The following NAV2 variants were observed in gnomAD, a reference collection of about 807,000 sequenced individuals.
NAV2 encodes helicase, APC down-regulated 1.
Under a neutral mutation model 223.2 loss-of-function variants are expected in NAV2, and 54 were observed. The observed-to-expected ratio is 0.24, with a 90% confidence interval of 0.19 to 0.30. The LOEUF (loss-of-function observed/expected upper bound fraction) is 0.30, where lower values mean the gene tolerates loss of function less well. Ranked by LOEUF, NAV2 falls within the 10% of genes least tolerant of loss-of-function variation. The probability of loss-of-function intolerance (pLI) is 1.00; values close to 1 mark genes in which losing one functional copy is unlikely to be tolerated. For synonymous variants in NAV2, 1,279 were observed against 1,239.3 expected (o/e 1.03, Z -0.67); for missense variants, 2,806 against 3,147.5 (o/e 0.89, Z 2.60).
At chr11:19,525,039 A>G (rs1175904589) in intron 1 of NAV2, among the ~76,000 whole-genome samples, 1 of 152,228 alleles carries the variant, frequency 6.6e-6, no homozygotes, top group Non-Finnish European at 1.5e-5. Flanking sequence ...AATGTCATTC[A>G]TTTCTCCATA....
chr11:19,462,461 C>T (rs1359072073), intron 1 of NAV2, among the ~76,000 whole-genome samples: 1 of 152,204 alleles, frequency 6.6e-6, no homozygotes, highest in Non-Finnish European at 1.5e-5. Context: ...TCAGACACAA[C>T]GTGCCACCAA....
At chr11:19,897,493 C>T (rs2042086258) in intron 6 of NAV2, among the ~76,000 whole-genome samples, 1 of 152,074 alleles carries the variant, frequency 6.6e-6, no homozygotes, top group Non-Finnish European at 1.5e-5. Context: ...ATGCCCCCTC[C>T]TACCATCATC....
At chr11:19,868,071 C>T (rs952239456) in intron 3 of NAV2, among the ~76,000 whole-genome samples, 11 of 151,766 alleles carry the variant, frequency 7.2e-5, no homozygotes, top group African/African-American at 2.7e-4. Context: ...TTGACGGAAC[C>T]TGGGAAGTAA....
intron 1 of NAV2, among the ~76,000 whole-genome samples, chr11:19,697,691 T>C (rs1417462642): frequency 1.3e-5 from 2 of 152,136 alleles, no homozygotes; most frequent in African/African-American, 4.8e-5. Flanking sequence ...AGTTACCACC[T>C]GTAACAACTA....
At chr11:19,604,969 C>T (rs1050862197) in intron 1 of NAV2, among the ~76,000 whole-genome samples, 1 of 152,170 alleles carries the variant, frequency 6.6e-6, no homozygotes, top group Admixed American at 6.5e-5. Context: ...TAAGGCCTCC[C>T]CAGCCATGTG....
At chr11:20,016,220 A>G (rs2584852) in intron 11 of NAV2, among the ~76,000 whole-genome samples, 151,973 of 152,310 alleles carry the variant, frequency 1, 75,822 homozygotes, top group Middle Eastern at 1. Flanking sequence ...ACCCTTCCAG[A>G]AAAGACATCC....
chr11:19,437,392 A>T (rs183720692), intron 1 of NAV2, among the ~76,000 whole-genome samples: 2 of 152,206 alleles, frequency 1.3e-5, no homozygotes, highest in Admixed American at 1.3e-4. Flanking sequence ...TATCAATCAG[A>T]TTAAACCTGT....
chr11:19,558,743 T>C (rs1160907554), intron 1 of NAV2, among the ~76,000 whole-genome samples: 2 of 152,206 alleles, frequency 1.3e-5, no homozygotes, highest in Non-Finnish European at 2.9e-5. Flanking sequence ...GTACAGCCTG[T>C]GTTCCATGGG....
At chr11:19,955,993 C>T (rs894552) in intron 10 of NAV2, among the ~76,000 whole-genome samples, 138,256 of 152,206 alleles carry the variant, frequency 0.91, 62,893 homozygotes, top group East Asian at 0.98. Context: ...GATAGATTCT[C>T]GTTTCTCTAG....
At position 19,822,432 on chromosome 11, in the gene NAV2, C is replaced by T. The variant is rs570860699; in HGVS notation, c.268-10052C>T. Among the ~76,000 whole-genome samples, 3 of 152,332 alleles carry T rather than the reference C, an allele frequency of 2.0e-5. No individual in the cohort carries two copies. The South Asian group carries it at 6.2e-4, about 32-fold the overall frequency. On this transcript the variant is annotated intron_variant, in intron 1 of 37. Coordinates refer to ENST00000349880, the MANE Select transcript of NAV2 (RefSeq NM_145117.5). ...GTAGATGCTCAGGCAGTGTTTTCTT[C>T]ATGCACCAAGGCACGCATGCAGCTC...
intron 1 of NAV2, among the ~76,000 whole-genome samples, chr11:19,477,946 C>T (rs550221434): frequency 1.3e-5 from 2 of 152,158 alleles, no homozygotes; most frequent in Non-Finnish European, 2.9e-5. Context: ...CAATGCTTTG[C>T]CAAATGCAAT....
chr11:19,890,033 T>C (rs559155177), intron 5 of NAV2, among the ~76,000 whole-genome samples: 2 of 152,370 alleles, frequency 1.3e-5, no homozygotes, highest in South Asian at 2.1e-4. Flanking sequence ...AATCCCTTCA[T>C]GAACCCGTGT....
chr11:19,394,888 C>T (rs1346132534), intron 1 of NAV2, among the ~76,000 whole-genome samples: 2 of 152,172 alleles, frequency 1.3e-5, no homozygotes, highest in Non-Finnish European at 2.9e-5. Flanking sequence ...TGAAAACCAA[C>T]CAAGGAATGG....
intron 1 of NAV2, among the ~76,000 whole-genome samples, chr11:19,576,292 T>G (rs1358018819): frequency 6.6e-6 from 1 of 152,222 alleles, no homozygotes; most frequent in South Asian, 2.1e-4. Context: ...CTTCAAACTT[T>G]TGATGGTTCT....
intron 1 of NAV2, among the ~76,000 whole-genome samples, chr11:19,830,540 G>A (rs956620408): frequency 1.6e-4 from 25 of 152,222 alleles, no homozygotes; most frequent in African/African-American, 4.6e-4. Flanking sequence ...ATGAGTTAAC[G>A]TGTGTAAAAT....
chr11:19,503,605 C>T (rs2043027119), intron 1 of NAV2: 2 of 152,130 alleles, frequency 1.3e-5, no homozygotes, highest in African/African-American at 2.4e-5. Context: ...GTTGAGTTTC[C>T]TCCATGTTTT....
chr11:19,513,812 C>T (rs1284998975), intron 1 of NAV2, among the ~76,000 whole-genome samples: 1 of 152,174 alleles, frequency 6.6e-6, no homozygotes, highest in Admixed American at 6.5e-5. Flanking sequence ...GAGAGAGACA[C>T]ACATGGGATG....
At chr11:19,539,371 A>G (rs2044278216) in intron 1 of NAV2, among the ~76,000 whole-genome samples, 1 of 152,164 alleles carries the variant, frequency 6.6e-6, no homozygotes, top group African/African-American at 2.4e-5. Flanking sequence ...TAAAAAGTAG[A>G]TCCCTCCTCC....
Position 20,105,570 on chromosome 11 carries a change from T to C in NAV2, c.6684T>C (p.Gly2228=), listed in dbSNP as rs202207949. The change falls in exon 35 of 38, where the codon GGT becomes GGC. Residue 2228 remains glycine, a synonymous_variant. Transcript: ENST00000349880. ...CCAACCACACGGAGCCTGTGAAGGG[T>C]TTCCTTGGCCGATTCCTGAGGAGGA... ...LCANHTEPVK[G]FLGRFLRRKL... is the part of the protein sequence containing the mutation. 6.2e-7 allele frequency: 1 copy of C among 1,612,412 alleles called. No homozygotes were observed. Among genetic ancestry groups the C allele is most frequent in the Non-Finnish European group, 8.5e-7 (1 of 1,179,430 alleles).
Sources: allele counts gnomAD v4.1 joint callset (sites outside exome capture counted in the v4.1 genomes callset), GRCh38; gene constraint gnomAD v4.1.1; transcripts MANE v1.5; gene names NCBI Gene and HGNC (gene_info 2026-07-23, HGNC 2026-07-21).